The following TBCEL variants were observed in gnomAD, a reference collection of about 807,000 sequenced individuals.
TBCEL encodes the protein tubulin-specific chaperone cofactor E-like protein.
TBCEL carries 15 observed loss-of-function variants against 44.2 expected under a neutral mutation model. That is an observed-to-expected ratio of 0.34 (90% CI 0.23 to 0.52). TBCEL has a LOEUF of 0.52. Ranked by LOEUF, TBCEL falls within the 20% of genes least tolerant of loss-of-function variation. TBCEL has a pLI of 0.95. For missense variants in TBCEL, 319 were observed against 506.3 expected, an observed-to-expected ratio of 0.63 and a Z score of 3.55; for synonymous variants, 171 against 185.4, an observed-to-expected ratio of 0.92 and a Z score of 0.63.
At chr11:121,034,230 T>C (rs1367763183) in intron 1 of TBCEL, among the ~76,000 whole-genome samples, 2 of 152,184 alleles carry the variant, frequency 1.3e-5, no homozygotes, top group African/African-American at 4.8e-5. Context: ...GCACATATAT[T>C]AATATTGAGT....
At chr11:121,037,220 G>A (rs1945247055) in intron 2 of TBCEL, among the ~76,000 whole-genome samples, 2 of 152,126 alleles carry the variant, frequency 1.3e-5, no homozygotes. Flanking sequence ...GTGGTGGCAT[G>A]GTGTGTTATG....
chr11:121,049,816 G>A (rs1016312789), intron 4 of TBCEL, among the ~76,000 whole-genome samples: 2 of 151,742 alleles, frequency 1.3e-5, no homozygotes, highest in Non-Finnish European at 3.0e-5. Flanking sequence ...ATATGGATCA[G>A]TATACAGTGT....
intron 6 of TBCEL, 100 bp downstream of exon 6, chr11:121,055,408 T>A: frequency 7.8e-7 from 1 of 1,289,284 alleles, no homozygotes; most frequent in Non-Finnish European, 1.0e-6. Flanking sequence ...TTTTACCTTT[T>A]TTAGAGTGAA....
At chr11:121,083,766 A>G (rs1946166702) in intron 8 of TBCEL, among the ~76,000 whole-genome samples, 1 of 151,912 alleles carries the variant, frequency 6.6e-6, no homozygotes, top group South Asian at 2.1e-4. Context: ...TTTGTTTTTT[A>G]CCAGAAGGAC....
intron 2 of TBCEL, among the ~76,000 whole-genome samples, chr11:121,037,226 T>TTATG (rs1446733860): frequency 1.3e-5 from 2 of 152,218 alleles, no homozygotes; most frequent in African/African-American, 4.8e-5. Flanking sequence ...GCATGGTGTG[T>TTATG]TATGATAAGG....
At chr11:121,041,205 T>A (rs1227620289) in intron 2 of TBCEL, among the ~76,000 whole-genome samples, 9 of 152,196 alleles carry the variant, frequency 5.9e-5, no homozygotes, top group Admixed American at 4.6e-4. Context: ...GTTGAGCTTC[T>A]TACTAATTTT....
chr11:121,053,724 G>A lies in TBCEL; in HGVS notation c.447G>A (p.Glu149=), dbSNP rs750724084. 1 of 1,611,666 alleles carries A rather than the reference G, an allele frequency of 6.2e-7. No homozygotes were observed. The highest frequency in any genetic ancestry group is 8.5e-7 in the Non-Finnish European group (1 of 1,178,602). ...SWETVHMILQ[E]LPDLEELFLC... The stretch of plus-strand genomic sequence containing the variant: ...AGACGGTCCACATGATACTACAGGA[G>A]TTACCAGAGTAAGCCCAGAGAGCAT... Residue 149 remains glutamate, a synonymous_variant, in exon 5 of 9, where the codon GAG becomes GAA. Coordinates refer to ENST00000683345, the MANE Select transcript of TBCEL (RefSeq NM_001363644.2).
chr11:121,081,019 T>G (rs1021596501), intron 8 of TBCEL, among the ~76,000 whole-genome samples: 4 of 152,214 alleles, frequency 2.6e-5, no homozygotes, highest in African/African-American at 9.6e-5. Flanking sequence ...AGTATCACCT[T>G]CAACCCCACA....
intron 8 of TBCEL, among the ~76,000 whole-genome samples, chr11:121,071,764 A>G (rs1451791333): frequency 1.3e-5 from 2 of 152,164 alleles, no homozygotes; most frequent in East Asian, 1.9e-4. Context: ...TCTCCATGTT[A>G]TTGTGAGAGC....
intron 8 of TBCEL, among the ~76,000 whole-genome samples, chr11:121,075,697 T>C (rs1172329270): frequency 6.6e-6 from 1 of 151,956 alleles, no homozygotes; most frequent in Non-Finnish European, 1.5e-5. Context: ...CTATACATCT[T>C]TTATTAGATT....
At chr11:121,069,242 G>A (rs970124246) in intron 8 of TBCEL, among the ~76,000 whole-genome samples, 3 of 152,170 alleles carry the variant, frequency 2.0e-5, no homozygotes, top group Non-Finnish European at 2.9e-5. Flanking sequence ...CATCTCCCCA[G>A]TGCCTAGAGC....
At chr11:121,068,394 TC>T (rs1355354011) in intron 8 of TBCEL, among the ~76,000 whole-genome samples, 1 of 152,038 alleles carries the variant, frequency 6.6e-6, no homozygotes, top group Non-Finnish European at 1.5e-5. Flanking sequence ...GTTTTTTTTT[TC>T]TTTCAGTTCT....
intron 8 of TBCEL, among the ~76,000 whole-genome samples, chr11:121,085,825 T>G (rs1020118752): frequency 2.6e-5 from 4 of 152,176 alleles, no homozygotes; most frequent in African/African-American, 9.7e-5. Context: ...TTACTGTATG[T>G]TTAATGCACC....
chr11:121,055,296 C>T lies in TBCEL; in HGVS notation c.700C>T (p.Leu234Phe). 1 of 1,608,454 alleles carries T rather than the reference C, an allele frequency of 6.2e-7. No individual in the cohort carries two copies. The highest frequency in any genetic ancestry group is 8.5e-7 in the Non-Finnish European group (1 of 1,177,088). Residue 234 changes from leucine (L) to phenylalanine (F), a missense_variant, in exon 6 of 9, where the codon CTC becomes TTC. Physicochemically the swap from Leu to Phe is conservative, Grantham distance 22. Coordinates refer to ENST00000683345, the MANE Select transcript of TBCEL (RefSeq NM_001363644.2). ...GTTTCCTAATCTTCGATCCATCAGC[C>T]TCCACAAGTCAGGTGAGGTTCAGGC... ...RLFPNLRSIS[L>F]HKSGLQSWED...
intron 8 of TBCEL, among the ~76,000 whole-genome samples, chr11:121,083,270 A>T (rs1283320886): frequency 3.9e-5 from 6 of 152,188 alleles, no homozygotes; most frequent in African/African-American, 1.4e-4. Context: ...GATACGTAGG[A>T]AGATAATGAG....
intron 1 of TBCEL, among the ~76,000 whole-genome samples, chr11:121,025,561 T>TA (rs886921229): frequency 3.3e-5 from 5 of 151,808 alleles, no homozygotes; most frequent in African/African-American, 7.3e-5. Context: ...CCTCTTGCAT[T>TA]AAAAAAAATG....
intron 8 of TBCEL, among the ~76,000 whole-genome samples, chr11:121,070,834 T>TTA (rs1266946226): frequency 2.3e-3 from 317 of 137,688 alleles, no homozygotes; most frequent in Middle Eastern, 0.011. Context: ...TTAAAGTATT[T>TTA]AAAAAAAAAA....
intron 1 of TBCEL, among the ~76,000 whole-genome samples, chr11:121,030,051 A>G (rs115346215): frequency 0.012 from 1,864 of 152,268 alleles, 38 homozygotes; most frequent in African/African-American, 0.043. Flanking sequence ...TGGTGGCAGT[A>G]GTGCTATTTT....
At chr11:121,065,387 G>T (rs10892666) in intron 8 of TBCEL, among the ~76,000 whole-genome samples, 32,526 of 151,978 alleles carry the variant, frequency 0.21, 3,559 homozygotes, top group East Asian at 0.33. Context: ...ATTAGAGATT[G>T]AGGATACTCT....
Sources: gnomAD v4.1 joint callset for allele counts (sites outside exome capture counted in the v4.1 genomes callset) on GRCh38, gnomAD v4.1.1 for gene constraint, MANE v1.5 for transcripts, NCBI Gene and HGNC (gene_info 2026-07-23, HGNC 2026-07-21) for gene names.